CALN1: variants seen among roughly 807,000 people sequenced by gnomAD.
CALN1 encodes calneuron 1.
A neutral mutation model predicts 30.6 loss-of-function variants in CALN1; 17 were observed. The observed-to-expected ratio is 0.56, with a 90% CI of 0.38 to 0.83. The LOEUF (loss-of-function observed/expected upper bound fraction) is 0.83. Ranked by LOEUF, CALN1 falls within the 40% of genes least tolerant of loss-of-function variation. CALN1 has a pLI of 0.00. For missense variants in CALN1, 291 were observed against 354.9 expected, an observed-to-expected ratio of 0.82 and a Z score of 1.45; for synonymous variants, 156 against 131.4, an observed-to-expected ratio of 1.19 and a Z score of -1.28.
chr7:72,403,373 G>A lies in CALN1; in HGVS notation c.-4C>T, dbSNP rs745580294. The A allele has an allele frequency of 5.8e-6, 9 of 1,544,198 alleles. No homozygotes were observed. Among genetic ancestry groups the A allele is most frequent in the Middle Eastern group, 3.3e-4 (2 of 5,978 alleles). On this transcript the variant is annotated 5_prime_UTR_variant, in exon 2 of 7. Transcript: ENST00000395275. ...CGGGTTGCTCTGGCAGCCGCATCGG[G>A]GGTCCAGGGCGATGTTCTCAGAGAG... is the stretch of plus-strand genomic sequence containing the variant.
chr7:72,232,061 G>C (rs1350812257), intron 3 of CALN1, among the ~76,000 whole-genome samples: 1 of 152,160 alleles, frequency 6.6e-6, no homozygotes, highest in East Asian at 1.9e-4. Context: ...TCCCCTACAG[G>C]CTGGGGCCAA....
At chr7:72,343,062 G>T (rs36104871) in intron 2 of CALN1, among the ~76,000 whole-genome samples, 2,488 of 152,236 alleles carry the variant, frequency 0.016, 35 homozygotes, top group Non-Finnish European at 0.029. Flanking sequence ...GAGTGCTGCT[G>T]TAACAATAAC....
In CALN1 at chr7:72,440,094, C is replaced by T. The variant is rs908241018; in HGVS notation, c.-226+6948G>A. Among the ~76,000 whole-genome samples the T allele has an allele frequency of 1.3e-5, 2 of 152,166 alleles. 1 individual carries two copies. The highest frequency in any genetic ancestry group is 4.8e-5 in the African/African-American group (2 of 41,428). On this transcript the variant is annotated intron_variant, in intron 1 of 6. Coordinates refer to the CALN1 transcript ENST00000395276. ...AGGAACTAGCATATCATCTCACGGA[C>T]AACAAAACTCAGAAAGCAATTCCCA...
At chr7:72,464,281 C>T in the CALN1 span, among the ~76,000 whole-genome samples, 3 of 152,212 alleles carry the variant, frequency 2.0e-5, no homozygotes, top group East Asian at 5.8e-4. Context: ...TGCACTCCAG[C>T]CTGGGTAACA....
At chr7:71,833,949 C>A (rs1041005350) in intron 5 of CALN1, among the ~76,000 whole-genome samples, 1 of 152,070 alleles carries the variant, frequency 6.6e-6, no homozygotes, top group African/African-American at 2.4e-5. Context: ...ATTGGCCCGG[C>A]GCAGTGGCTC....
the CALN1 span, among the ~76,000 whole-genome samples, chr7:72,499,824 TC>T: frequency 1.5e-5 from 1 of 66,828 alleles, no homozygotes; most frequent in African/African-American, 8.4e-5. Context: ...CTTCCTTCCT[TC>T]CTTCTTTCTT....
At chr7:72,463,717 C>T in the CALN1 span, among the ~76,000 whole-genome samples, 2 of 151,666 alleles carry the variant, frequency 1.3e-5, no homozygotes, top group Admixed American at 6.6e-5. Context: ...GCATCACTAC[C>T]GCTGGCAAAT....
At chr7:72,192,792 A>G (rs1453215643) in intron 3 of CALN1, among the ~76,000 whole-genome samples, 1 of 133,774 alleles carries the variant, frequency 7.5e-6, no homozygotes, top group Non-Finnish European at 1.6e-5. Flanking sequence ...TCCCGATGCT[A>G]TCCCTCCCCC....
intron 3 of CALN1, among the ~76,000 whole-genome samples, chr7:72,197,178 CTTTTTTTTTTTT>C (rs386410439): frequency 5.9e-4 from 38 of 64,214 alleles, no homozygotes; most frequent in African/African-American, 2.0e-3. Flanking sequence ...GGAAGGTTTG[CTTTTTTTTTTTT>C]TTTTTTTTTT....
At chr7:71,893,357 C>A (rs915596351) in intron 5 of CALN1, among the ~76,000 whole-genome samples, 34 of 152,060 alleles carry the variant, frequency 2.2e-4, no homozygotes, top group African/African-American at 7.7e-4. Context: ...GGTGGAGAAA[C>A]CCTATTTTAA....
At chr7:71,947,003 T>G (rs539464531) in intron 5 of CALN1, among the ~76,000 whole-genome samples, 40 of 151,608 alleles carry the variant, frequency 2.6e-4, no homozygotes, top group African/African-American at 9.2e-4. Context: ...AGTTGTGTTT[T>G]TGTTGTTGTT....
At chr7:72,388,861 C>T (rs899159762) in intron 2 of CALN1, among the ~76,000 whole-genome samples, 1 of 152,178 alleles carries the variant, frequency 6.6e-6, no homozygotes, top group Non-Finnish European at 1.5e-5. Flanking sequence ...TGCATTTGGG[C>T]TCCTTCTAGT....
At chr7:72,320,371 A>G (rs1187171595) in intron 2 of CALN1, among the ~76,000 whole-genome samples, 1 of 152,126 alleles carries the variant, frequency 6.6e-6, no homozygotes, top group Non-Finnish European at 1.5e-5. Flanking sequence ...GGATTCAGGG[A>G]GCTCTATCTG....
chr7:72,392,701 T>C (rs1218123666), intron 2 of CALN1, among the ~76,000 whole-genome samples: 1 of 152,180 alleles, frequency 6.6e-6, no homozygotes, highest in Non-Finnish European at 1.5e-5. Context: ...TACAGGTCAA[T>C]GCAGTGGCAC....
intron 3 of CALN1, among the ~76,000 whole-genome samples, chr7:72,219,942 T>TA (rs199533877): frequency 1.4e-4 from 21 of 150,660 alleles, no homozygotes; most frequent in African/African-American, 3.6e-4. Context: ...TAGCCTCCTA[T>TA]AAAAAAAAAT....
At chr7:72,164,366 A>AAAG (rs756452030) in intron 3 of CALN1, among the ~76,000 whole-genome samples, 5 of 90,324 alleles carry the variant, frequency 5.5e-5, no homozygotes, top group East Asian at 3.9e-4. Flanking sequence ...AAAAAAAAAA[A>AAAG]AAGAAGAAGA....
intron 5 of CALN1, among the ~76,000 whole-genome samples, chr7:71,927,639 T>C (rs77534114): frequency 6.6e-6 from 1 of 152,164 alleles, no homozygotes; most frequent in Non-Finnish European, 1.5e-5. Flanking sequence ...AAGGTCCCTT[T>C]TTTATGCTCT....
At chr7:71,996,305 C>T (rs1300418806) in intron 5 of CALN1, among the ~76,000 whole-genome samples, 2 of 152,158 alleles carry the variant, frequency 1.3e-5, no homozygotes, top group Non-Finnish European at 1.5e-5. Flanking sequence ...AACCAAGAAA[C>T]TCACAACTTG....
Position 72,337,012 on chromosome 7 carries a change from G to A in CALN1, c.120-58202C>T, listed in dbSNP as rs960999492. On this transcript the variant is annotated intron_variant, in intron 2 of 6. Coordinates refer to ENST00000395275, the MANE Select transcript of CALN1 (RefSeq NM_031468.4). ...GTCCTTGTCCTCTGCTCTCGTCTGG[G>A]GACGTGTGCCCCGCACCCCCTGCAC... The A allele has an allele frequency of 7.1e-6, 7 of 985,450 alleles. No homozygotes were observed. The African/African-American group carries it at 1.0e-4, about 15-fold the overall frequency. 61.0% of individuals were successfully genotyped at this position (985,450 alleles called of 1,614,324 possible).
Sources: gnomAD v4.1 joint callset for allele counts (sites outside exome capture counted in the v4.1 genomes callset) on GRCh38, gnomAD v4.1.1 for gene constraint, MANE v1.5 for transcripts, NCBI Gene and HGNC (gene_info 2026-07-23, HGNC 2026-07-21) for gene names.